The following SLC30A8 variants were observed in gnomAD, a reference collection of about 807,000 sequenced individuals.
SLC30A8 encodes the protein solute carrier family 30 member 8.
A neutral mutation model predicts 36.9 loss-of-function variants in SLC30A8; 27 were observed. The observed-to-expected ratio is 0.73, with a 90% CI of 0.54 to 1.01. The LOEUF is 1.01. Ranked by LOEUF, SLC30A8 falls within the 50% of genes least tolerant of loss-of-function variation. The pLI, the probability that SLC30A8 is intolerant of heterozygous loss-of-function variation, is 0.00. For synonymous variants in SLC30A8, 164 were observed against 172.4 expected (o/e 0.95, Z 0.38); for missense variants, 439 against 452.0 (o/e 0.97, Z 0.26).
chr8:117,109,226 G>A (rs1009163932), intron 2 of SLC30A8, among the ~76,000 whole-genome samples: 1 of 152,144 alleles, frequency 6.6e-6, no homozygotes, highest in African/African-American at 2.4e-5. Flanking sequence ...ACAGCCCCGT[G>A]TAAAAGTTAT....
chr8:117,142,219 A>G (rs1209285867), intron 1 of SLC30A8, among the ~76,000 whole-genome samples: 6 of 152,050 alleles, frequency 3.9e-5, no homozygotes, highest in Non-Finnish European at 7.4e-5. Flanking sequence ...AGCAAGTCCT[A>G]TTGACTCCAC....
chr8:117,082,743 A>T (rs183645532), intron 2 of SLC30A8, among the ~76,000 whole-genome samples: 5 of 152,292 alleles, frequency 3.3e-5, no homozygotes, highest in Admixed American at 2.0e-4. Context: ...TTCAGTCAGG[A>T]CTAGAGAACG....
chr8:117,173,029 G>C lies in SLC30A8; in HGVS notation c.*348G>C, dbSNP rs1823470788. 1 of 204,984 alleles carries C rather than the reference G, an allele frequency of 4.9e-6. No individual in the cohort carries two copies. Among genetic ancestry groups the C allele is most frequent in the Non-Finnish European group, 9.8e-6 (1 of 102,236 alleles). 12.7% of individuals were successfully genotyped at this position (204,984 alleles called of 1,614,324 possible). ...GAACACATAGGTAAATTTGAACTCA[G>C]GAAAGTCTTACTAGAAATCAGTGGA... On this transcript the variant is annotated 3_prime_UTR_variant, in exon 8 of 8. Coordinates refer to ENST00000456015, the MANE Select transcript of SLC30A8 (RefSeq NM_173851.3).
intron 1 of SLC30A8, among the ~76,000 whole-genome samples, chr8:117,003,664 T>G (rs1995581): frequency 0.41 from 62,964 of 152,038 alleles, 13,487 homozygotes; most frequent in Admixed American, 0.51. Flanking sequence ...TATTTGATCT[T>G]TGCCTTAAAT....
intron 2 of SLC30A8, among the ~76,000 whole-genome samples, chr8:117,121,813 A>G (rs1381306795): frequency 6.6e-6 from 1 of 151,924 alleles, no homozygotes; most frequent in African/African-American, 2.4e-5. Context: ...CAAAAAGTAG[A>G]ATGATAGTTG....
rs181666849 is a variant in SLC30A8, at chr8:117,056,712, C to T, written c.-226+17454C>T. Among the ~76,000 whole-genome samples the T allele has an allele frequency of 3.0e-3, 450 of 152,212 alleles. 1 individual carries two copies. The highest frequency in any genetic ancestry group is 1.0e-2 in the African/African-American group (415 of 41,526). ...CATTTAGTTTTTGGGGACAGAGAAG[C>T]AACAGACCACTTATAAGCCCTTTGG... On this transcript the variant is annotated intron_variant, in intron 2 of 10. Coordinates refer to the SLC30A8 transcript ENST00000427715.
chr8:117,164,956 C>T (rs1268090223), intron 6 of SLC30A8, among the ~76,000 whole-genome samples: 4 of 152,170 alleles, frequency 2.6e-5, no homozygotes, highest in Non-Finnish European at 4.4e-5. Context: ...AAGCTTACTG[C>T]CTGCCTCCTC....
intron 1 of SLC30A8, among the ~76,000 whole-genome samples, chr8:116,970,181 C>T (rs948191727): frequency 2.6e-4 from 39 of 152,012 alleles, no homozygotes; most frequent in African/African-American, 9.4e-4. Flanking sequence ...TGTTAAAAAA[C>T]CAAGACACAA....
chr8:116,950,912 A>C (rs1179616980), upstream of SLC30A8: 1 of 152,218 alleles, frequency 6.6e-6, no homozygotes, highest in African/African-American at 2.4e-5. Context: ...TTAATCTTAC[A>C]GTAACCAGCT....
intron 1 of SLC30A8, among the ~76,000 whole-genome samples, chr8:116,972,478 G>T (rs73312210): frequency 9.9e-5 from 15 of 152,184 alleles, no homozygotes; most frequent in Non-Finnish European, 1.3e-4. Context: ...GGGAAGAGAC[G>T]TAGAAAAGAA....
chr8:116,985,883 C>T (rs1303117876), intron 1 of SLC30A8, among the ~76,000 whole-genome samples: 4 of 152,146 alleles, frequency 2.6e-5, no homozygotes, highest in Non-Finnish European at 5.9e-5. Flanking sequence ...TATCAAGGAA[C>T]ACAGTTTTAT....
chr8:117,023,860 TA>T (rs939796649), intron 1 of SLC30A8, among the ~76,000 whole-genome samples: 13 of 148,652 alleles, frequency 8.7e-5, no homozygotes, highest in African/African-American at 2.5e-4. Context: ...CCCTAAAACT[TA>T]AAAAAAAAAG....
intron 2 of SLC30A8, among the ~76,000 whole-genome samples, chr8:117,065,649 C>CA (rs1374608323): frequency 6.6e-6 from 1 of 151,938 alleles, no homozygotes; most frequent in Non-Finnish European, 1.5e-5. Context: ...TGGGAGCAGC[C>CA]ATTTTGTTTT....
At chr8:117,135,961 A>G (rs1312423463) in intron 1 of SLC30A8, among the ~76,000 whole-genome samples, 2 of 151,986 alleles carry the variant, frequency 1.3e-5, no homozygotes, top group Non-Finnish European at 2.9e-5. Flanking sequence ...GTTAACAATT[A>G]TTGATTGAAC....
At chr8:116,964,108 G>C (rs1055604941) in intron 1 of SLC30A8, among the ~76,000 whole-genome samples, 39 of 152,322 alleles carry the variant, frequency 2.6e-4, no homozygotes, top group African/African-American at 9.4e-4. Flanking sequence ...CTGGATAGGT[G>C]TGGGCTTTTA....
chr8:116,984,275 T>C (rs1015273953), intron 1 of SLC30A8, among the ~76,000 whole-genome samples: 15 of 152,192 alleles, frequency 9.9e-5, no homozygotes, highest in Non-Finnish European at 1.6e-4. Flanking sequence ...TGAATACTTA[T>C]GTAAAGGTTT....
rs376458891 is a variant in SLC30A8 at position 117,157,710 on chromosome 8, C to G, written c.438C>G (p.Leu146=). ...TCCTAGAGATCCTTGGTGCCCTGCT[C>G]TCCATCCTGTGCATCTGGGTGGTGA... is the stretch of plus-strand genomic sequence containing the variant. ...WHRAEILGAL[L]SILCIWVVTG... The change falls in exon 4 of 8, where the codon CTC becomes CTG. Residue 146 remains leucine, a synonymous_variant. Transcript: ENST00000456015. 1.8e-5 allele frequency: 29 copies of G among 1,613,926 alleles called. No individual in the cohort carries two copies. The highest frequency in any genetic ancestry group is 1.9e-5 in the Non-Finnish European group (23 of 1,179,976).
At position 117,169,195 on chromosome 8, in the gene SLC30A8, C is replaced by T. The variant is rs528973806; in HGVS notation, c.830-1839C>T. Among the ~76,000 whole-genome samples, 76 of 152,144 alleles carry T rather than the reference C, an allele frequency of 5.0e-4. No individual in the cohort carries two copies. In the South Asian group the frequency reaches 0.015, roughly 30 times the overall value. ...ATGATAACCAGCTCTTTGTTACTTC[C>T]CCAAACAATATGAGGTAGGATCAAA... On this transcript the variant is annotated intron_variant, in intron 6 of 7. Coordinates refer to ENST00000456015, the MANE Select transcript of SLC30A8 (RefSeq NM_173851.3).
chr8:116,962,244 T>C (rs1213644507), intron 1 of SLC30A8, among the ~76,000 whole-genome samples: 1 of 152,016 alleles, frequency 6.6e-6, no homozygotes, highest in Non-Finnish European at 1.5e-5. Context: ...CCGGCAGTGA[T>C]GACTTTTGGC....
Sources: allele counts gnomAD v4.1 joint callset (sites outside exome capture counted in the v4.1 genomes callset), GRCh38; gene constraint gnomAD v4.1.1; transcripts MANE v1.5; gene names NCBI Gene and HGNC (gene_info 2026-07-23, HGNC 2026-07-21).